Variants in TRIM17 observed in about 807,000 individuals in gnomAD.
The protein encoded by TRIM17 is E3 ubiquitin-protein ligase TRIM17.
Under a neutral mutation model 35.8 loss-of-function variants are expected in TRIM17, and 27 were observed. That is an observed-to-expected ratio of 0.75 (90% CI 0.56 to 1.04). TRIM17 has a LOEUF of 1.04. Among genes scored for constraint, TRIM17 ranks in the 50% least tolerant of loss-of-function variants. TRIM17 has a pLI of 0.00. For missense variants in TRIM17, 582 were observed against 612.8 expected (o/e 0.95, Z 0.53); for synonymous variants, 246 against 252.6 (o/e 0.97, Z 0.25).
At position 228,414,935 on chromosome 1, in the gene TRIM17, C is replaced by G. The variant is rs1162784865; in HGVS notation, c.138G>C (p.Lys46Asn). 4.3e-6 allele frequency: 7 copies of G among 1,613,464 alleles called. No homozygotes were observed. Among genetic ancestry groups the G allele is most frequent in the Non-Finnish European group, 5.9e-6 (7 of 1,180,004 alleles). ...TCCGCCTCCCCTTCTTGCCCCTCGC[C>G]TTTTCCCAGCTCAGCTGGATGCAGG... ...CRACIQLSWE[K>N]ARGKKGRRKR... Residue 46 changes from lysine (K) to asparagine (N), a missense_variant, in exon 2 of 7, where the codon AAG becomes AAC. By Grantham distance (94) the Lys-to-Asn change is moderately conservative. Coordinates refer to ENST00000366698, the MANE Select transcript of TRIM17 (RefSeq NM_016102.4).
chr1:228,413,720 A>G, intron 3 of TRIM17, 77 bp downstream of exon 3: 1 of 1,247,850 alleles, frequency 8.0e-7, no homozygotes, highest in East Asian at 2.4e-5. Context: ...GCATATCCCC[A>G]CGGGCAGACA....
rs1433294087 is a variant in TRIM17, at chr1:228,409,187, G to T, written c.868C>A (p.Leu290Ile). 3.7e-6 allele frequency: 6 copies of T among 1,613,910 alleles called. No individual in the cohort carries two copies. The highest frequency in any genetic ancestry group is 1.3e-5 in the African/African-American group (1 of 74,862). The change falls in exon 6 of 7, where the codon CTA (leucine) becomes ATA (isoleucine). Residue 290 changes from leucine (L) to isoleucine (I), a missense_variant. Coordinates refer to ENST00000366698, the MANE Select transcript of TRIM17 (RefSeq NM_016102.4). ...GCCCACTTACCTAGAAAGCCTCTTA[G>T]CACTTCAATCTGTCCGGGAACTCTG... ...VCRVPGQIEV[L>I]RGFLEDVVPD...
intron 4 of TRIM17, 156 bp from the exon 5 acceptor site, chr1:228,409,567 C>T: frequency 1.5e-6 from 1 of 674,594 alleles, no homozygotes; most frequent in Non-Finnish European, 2.4e-6. Flanking sequence ...CCTGAGCCTT[C>T]CCCACTGCCC....
rs1328034725 is a variant in TRIM17 at position 228,410,709 on chromosome 1, A to G, written c.756+237T>C. ...GGAGATGATTAGGACAGAGACGTGC[A>G]TAGAGAGATGATGCCATGAGGACGC... On this transcript the variant is annotated intron_variant, in intron 4 of 6. Coordinates refer to ENST00000366698, the MANE Select transcript of TRIM17 (RefSeq NM_016102.4). This position sits in a 1 kb window ranked among gnomAD's most constrained non-coding sequence, Gnocchi z 4.6. Among the ~76,000 whole-genome samples the G allele has an allele frequency of 2.0e-5, 3 of 152,172 alleles. No homozygotes were observed. The highest frequency in any genetic ancestry group is 7.2e-5 in the African/African-American group (3 of 41,420).
chr1:228,408,746 C>G lies in TRIM17; in HGVS notation c.889G>C (p.Val297Leu), dbSNP rs748894446. The change falls in exon 7 of 7, where the codon GTG becomes CTG. Residue 297 changes from valine to leucine, a missense_variant. Coordinates refer to ENST00000366698, the MANE Select transcript of TRIM17 (RefSeq NM_016102.4). This position sits in a 1 kb window ranked among gnomAD's most constrained non-coding sequence, Gnocchi z 6.3. ...IEVLRGFLED[V>L]VPDATSAYPY... ...TACGCGGAGGTGGCATCAGGCACCA[C>G]ATCCTCTGTAGATGGGCGTGGTGGT... The G allele has an allele frequency of 6.2e-7, 1 of 1,600,086 alleles. No individual in the cohort carries two copies. The highest frequency in any genetic ancestry group is 1.1e-5 in the South Asian group (1 of 90,970).
At chr1:228,409,313 C>T (rs1300004997) in intron 5 of TRIM17, 38 bp from the exon 6 acceptor site, 2 of 1,610,306 alleles carry the variant, frequency 1.2e-6, no homozygotes, top group African/African-American at 1.3e-5. Flanking sequence ...TATTGACTCC[C>T]CTGGCCCGAC....
At chr1:228,414,433 A>G (rs1465481996) in intron 2 of TRIM17, among the ~76,000 whole-genome samples, 5 of 152,178 alleles carry the variant, frequency 3.3e-5, no homozygotes, top group African/African-American at 1.2e-4. Context: ...AGATTTTGCA[A>G]TGCCTGCATC....
At position 228,408,484 on chromosome 1, in the gene TRIM17, G is replaced by A; in HGVS notation, c.1151C>T (p.Pro384Leu). The A allele has an allele frequency of 6.2e-7, 1 of 1,614,128 alleles. No homozygotes were observed. The highest frequency in any genetic ancestry group is 8.5e-7 in the Non-Finnish European group (1 of 1,180,010). Residue 384 changes from proline to leucine, a missense_variant, in exon 7 of 7, where the codon CCC becomes CTC. Physicochemically the swap from Pro to Leu is moderately conservative, Grantham distance 98. Coordinates refer to ENST00000366698, the MANE Select transcript of TRIM17 (RefSeq NM_016102.4). The surrounding 1 kb of genome is among the most constrained non-coding windows in gnomAD (Gnocchi z 6.3). ...CTGCACCACCCAGAAGCCGTTTTCG[G>A]GGCACTTGGGGACCCTGTCTTTCCG... ...VSRKDRVPKCPENGFWVVQLS... is the reference protein window; with the variant it reads ...VSRKDRVPKCLENGFWVVQLS...
In TRIM17 at chr1:228,410,908, C is replaced by T. The variant is rs766582032; in HGVS notation, c.756+38G>A. 4.9e-6 allele frequency: 7 copies of T among 1,414,768 alleles called. No homozygotes were observed. In the African/African-American group the frequency reaches 7.2e-5, roughly 14 times the overall value. The allele number at this position is 1,414,768 out of a possible 1,614,324, so 87.6% of individuals were successfully genotyped here. On this transcript the variant is annotated intron_variant, in intron 4 of 6. Coordinates refer to ENST00000366698, the MANE Select transcript of TRIM17 (RefSeq NM_016102.4). The surrounding 1 kb of genome is among the most constrained non-coding windows in gnomAD (Gnocchi z 4.6). ...CGCCCCCTGCCCATGCCTGTCAGAG[C>T]TCACATCCCACCCTGCCTGCCAAGC... is the stretch of plus-strand genomic sequence containing the variant.
intron 3 of TRIM17, among the ~76,000 whole-genome samples, chr1:228,413,416 T>G (rs1268962007): frequency 1.3e-5 from 2 of 152,008 alleles, no homozygotes; most frequent in Non-Finnish European, 2.9e-5. Flanking sequence ...CCCTGCCCTC[T>G]GGCTGCCTCC....
At chr1:228,415,271 T>TC in intron 1 of TRIM17, 158 bp from the exon 2 acceptor site, 1 of 612,332 alleles carries the variant, frequency 1.6e-6, no homozygotes, top group Non-Finnish European at 2.8e-6. Flanking sequence ...CACAGATGCC[T>TC]CCCCAGAAAC....
chr1:228,415,142 T>C, intron 1 of TRIM17, 29 bp from the exon 2 acceptor site: 3 of 1,507,160 alleles, frequency 2.0e-6, no homozygotes, highest in Non-Finnish European at 1.8e-6. Flanking sequence ...AGCAGCCCGA[T>C]GATCTGGGCG....
Position 228,412,939 on chromosome 1 carries a change from G to A in TRIM17, c.525+858C>T, listed in dbSNP as rs549742002. ...AAAAATAAAGTGCCTGGCCTGGCGC[G>A]ATGACTTATGCCTGTAATCCCAGCA... is the stretch of plus-strand genomic sequence containing the variant. On this transcript the variant is annotated intron_variant, in intron 3 of 6. Coordinates refer to ENST00000366698, the MANE Select transcript of TRIM17 (RefSeq NM_016102.4). Among the ~76,000 whole-genome samples the A allele has an allele frequency of 5.9e-5, 9 of 152,042 alleles. No homozygotes were observed. The East Asian group carries it at 1.2e-3, about 20-fold the overall frequency.
At chr1:228,415,322 G>A (rs1009401802) in intron 1 of TRIM17, 6 of 488,974 alleles carry the variant, frequency 1.2e-5, no homozygotes, top group Admixed American at 1.1e-4. Flanking sequence ...AGGCCCCTCC[G>A]CCTCTCCTCT....
intron 1 of TRIM17, 26 bp from the exon 2 acceptor site, chr1:228,415,139 C>T (rs1657030285): frequency 7.9e-6 from 12 of 1,516,138 alleles, no homozygotes; most frequent in Non-Finnish European, 9.7e-6. Context: ...GGGAGCAGCC[C>T]GATGATCTGG....
intron 1 of TRIM17, chr1:228,415,385 A>C (rs372312487): frequency 3.4e-6 from 1 of 292,278 alleles, no homozygotes; most frequent in Non-Finnish European, 6.4e-6. Context: ...GGCTACCCCC[A>C]GCTCCACATC....
intron 1 of TRIM17, chr1:228,415,947 G>A (rs1245383363): frequency 2.0e-5 from 3 of 152,228 alleles, no homozygotes; most frequent in Non-Finnish European, 4.4e-5. Context: ...AGGTACACGC[G>A]CGCACACACG....
intron 4 of TRIM17, 105 bp from the exon 5 acceptor site, chr1:228,409,516 C>T: frequency 8.5e-7 from 1 of 1,171,116 alleles, no homozygotes; most frequent in Non-Finnish European, 1.2e-6. Context: ...CCCATCCTGT[C>T]CCCTGGGCAT....
chr1:228,415,262 A>G, intron 1 of TRIM17, 149 bp from the exon 2 acceptor site: 2 of 633,502 alleles, frequency 3.2e-6, no homozygotes, highest in South Asian at 4.3e-5. Context: ...AACAACAGAC[A>G]CAGATGCCTC....
Sources: gnomAD v4.1 joint callset for allele counts (sites outside exome capture counted in the v4.1 genomes callset) on GRCh38, gnomAD v4.1.1 for gene constraint, Gnocchi (gnomAD v3.1) non-coding constraint, MANE v1.5 for transcripts, NCBI Gene and HGNC (gene_info 2026-07-23, HGNC 2026-07-21) for gene names.